The following FANCI variants were observed in gnomAD, a reference collection of about 807,000 sequenced individuals.
FANCI encodes the protein FA complementation group I.
FANCI carries 156 observed loss-of-function variants against 176.1 expected under a neutral mutation model. That is an observed-to-expected ratio of 0.89 (90% CI 0.78 to 1.01). The LOEUF (loss-of-function observed/expected upper bound fraction) is 1.01. FANCI is among the 50% of genes least tolerant of loss of function. FANCI has a pLI of 0.00. For missense variants in FANCI, 1,678 were observed against 1,534.1 expected (o/e 1.09, Z -1.57); for synonymous variants, 613 against 541.7 (o/e 1.13, Z -1.83).
intron 12 of FANCI, among the ~76,000 whole-genome samples, chr15:89,275,941 T>C (rs1567153454): frequency 6.6e-6 from 1 of 152,220 alleles, no homozygotes; most frequent in East Asian, 1.9e-4. Flanking sequence ...TAATGAACCT[T>C]TAAATAATGC....
chr15:89,314,725 A>G lies in FANCI; in HGVS notation c.3816+18A>G. Reference sequence around the variant, plus strand: ...AGTCCAAGGTAAACATTCTCTTATTATGTGCTACCATTCCCATTTACCTTC... The same window carrying G: ...AGTCCAAGGTAAACATTCTCTTATTGTGTGCTACCATTCCCATTTACCTTC... On this transcript the variant is annotated intron_variant, in intron 36 of 37. Coordinates refer to ENST00000310775, the MANE Select transcript of FANCI (RefSeq NM_001113378.2). 6.5e-7 allele frequency: 1 copy of G among 1,541,334 alleles called. No homozygotes were observed. Among genetic ancestry groups the G allele is most frequent in the Non-Finnish European group, 9.0e-7 (1 of 1,114,836 alleles).
intron 10 of FANCI, among the ~76,000 whole-genome samples, chr15:89,269,597 G>C (rs192123749): frequency 2.0e-5 from 3 of 152,000 alleles, no homozygotes; most frequent in Non-Finnish European, 4.4e-5. Context: ...AGAATACTTC[G>C]TAAGTGATGT....
At chr15:89,251,621 G>A (rs1260208723) in intron 2 of FANCI, among the ~76,000 whole-genome samples, 1 of 152,032 alleles carries the variant, frequency 6.6e-6, no homozygotes, top group African/African-American at 2.4e-5. Flanking sequence ...AATATTAGGG[G>A]ACAGATTGCA....
chr15:89,278,376 G>A (rs964620972), intron 13 of FANCI, among the ~76,000 whole-genome samples: 48 of 152,110 alleles, frequency 3.2e-4, no homozygotes, highest in African/African-American at 1.1e-3. Flanking sequence ...TCAGGAATAT[G>A]GATATTGTCA....
rs1285567734 is a variant in FANCI at position 89,285,165 on chromosome 15, A to G, written c.1768A>G (p.Ser590Gly). 2.5e-6 allele frequency: 4 copies of G among 1,614,084 alleles called. No individual in the cohort carries two copies. The African/African-American group carries it at 4.0e-5, about 16-fold the overall frequency. The part of the protein sequence containing the change: ...NETFCLEIMD[S>G]LRRCLSQQAD... ...AACTTTTTGCCTTGAGATCATGGATAGTTTGAGGAGATGCTTAAGCCAGCA... is the reference window on the plus strand; with the variant it reads ...AACTTTTTGCCTTGAGATCATGGATGGTTTGAGGAGATGCTTAAGCCAGCA... Residue 590 changes from serine (S) to glycine (G), a missense_variant, in exon 18 of 38, where the codon AGT becomes GGT. This residue lies in a region of FANCI where 1,204 missense variants were observed against 1,077.4 expected (regional missense o/e 1.12). Transcript: ENST00000310775.
rs546087457 is a variant in FANCI, at chr15:89,268,468, T to C, written c.825T>C (p.Ile275=). 6.2e-7 allele frequency: 1 copy of C among 1,614,208 alleles called. No individual in the cohort carries two copies. Among genetic ancestry groups the C allele is most frequent in the Non-Finnish European group, 8.5e-7 (1 of 1,180,032 alleles). ...RHVEGTIILH[I]VFAIKLDYEL... ...TGGAAGGCACCATTATTCTACACAT[T>C]GTGTTTGCCATCAAATTGGACTATG... is the stretch of plus-strand genomic sequence containing the variant. The change falls in exon 10 of 38, where the codon ATT becomes ATC. Residue 275 remains isoleucine (I), a synonymous_variant. Coordinates refer to ENST00000310775, the MANE Select transcript of FANCI (RefSeq NM_001113378.2).
chr15:89,301,981 C>T (rs908853543), intron 27 of FANCI, among the ~76,000 whole-genome samples: 3 of 152,112 alleles, frequency 2.0e-5, no homozygotes, highest in Admixed American at 2.0e-4. Flanking sequence ...AGTGTGCACA[C>T]GTAGATGTAG....
chr15:89,255,151 C>T (rs1184694381), intron 2 of FANCI, among the ~76,000 whole-genome samples: 1 of 152,162 alleles, frequency 6.6e-6, no homozygotes, highest in Admixed American at 6.5e-5. Flanking sequence ...CTCTGTTGAT[C>T]ATGATAGCCC....
At chr15:89,285,976 T>C (rs1015399683) in intron 18 of FANCI, among the ~76,000 whole-genome samples, 2 of 144,580 alleles carry the variant, frequency 1.4e-5, no homozygotes, top group African/African-American at 5.2e-5. Flanking sequence ...CAAACATTGT[T>C]CCAAACTTAG....
rs762350003 is a variant in FANCI, at chr15:89,260,694, C to T, written c.158-19C>T. 3 of 1,612,734 alleles carry T rather than the reference C, an allele frequency of 1.9e-6. No individual in the cohort carries two copies. The highest frequency in any genetic ancestry group is 1.3e-5 in the African/African-American group (1 of 74,956). ...ATGTTGTAAGACTTGTTTCTGAACC[C>T]CCTGTTTAAAACAATAAGGTTCCCC... On this transcript the variant is annotated intron_variant, in intron 3 of 37. Coordinates refer to ENST00000310775, the MANE Select transcript of FANCI (RefSeq NM_001113378.2).
intron 1 of FANCI, among the ~76,000 whole-genome samples, chr15:89,245,043 T>G (rs2051884797): frequency 6.6e-6 from 1 of 152,186 alleles, no homozygotes; most frequent in Non-Finnish European, 1.5e-5. Flanking sequence ...GGAGATAACA[T>G]TTGTTAATCT....
chr15:89,288,034 G>C (rs1230411002), intron 18 of FANCI, among the ~76,000 whole-genome samples: 2 of 152,192 alleles, frequency 1.3e-5, no homozygotes, highest in African/African-American at 4.8e-5. Context: ...TGGAAAAATG[G>C]TACTGAGAGA....
chr15:89,256,757 CTG>C (rs1267690955), intron 2 of FANCI, among the ~76,000 whole-genome samples: 3 of 152,170 alleles, frequency 2.0e-5, no homozygotes, highest in African/African-American at 7.2e-5. Flanking sequence ...GAATCATAAA[CTG>C]TGGGTAGATC....
chr15:89,274,391 G>T, intron 12 of FANCI, 87 bp downstream of exon 12: 1 of 1,474,676 alleles, frequency 6.8e-7, no homozygotes, highest in Non-Finnish European at 9.4e-7. Flanking sequence ...AGCCTGTGAG[G>T]GGAAACTGAT....
rs2054074636 is a variant in FANCI, at chr15:89,291,635, A to G, written c.1913A>G (p.Lys638Arg). The change falls in exon 20 of 38, where the codon AAA becomes AGA. Residue 638 changes from lysine (K) to arginine (R), a missense_variant. By Grantham distance (26) the Lys-to-Arg change is conservative. Coordinates refer to ENST00000310775, the MANE Select transcript of FANCI (RefSeq NM_001113378.2). ...CAGTTAAAACAGTTCTATGAGCCAAAACCTGATCTGCTGCCTCCTCTGAAA... is the reference window on the plus strand; with the variant it reads ...CAGTTAAAACAGTTCTATGAGCCAAGACCTGATCTGCTGCCTCCTCTGAAA... ...LSQLKQFYEP[K>R]PDLLPPLKLE... 1 of 1,613,846 alleles carries G rather than the reference A, an allele frequency of 6.2e-7. No individual in the cohort carries two copies.
At chr15:89,271,838 GT>G (rs901939865) in intron 10 of FANCI, among the ~76,000 whole-genome samples, 23 of 152,202 alleles carry the variant, frequency 1.5e-4, no homozygotes, top group African/African-American at 5.1e-4. Flanking sequence ...TATGAGTTTT[GT>G]TTAGCAGTCT....
intron 16 of FANCI, chr15:89,282,918 T>C (rs2053670327): frequency 7.2e-6 from 4 of 556,570 alleles, no homozygotes; most frequent in South Asian, 2.0e-5. Flanking sequence ...TAGAGTATCA[T>C]GAGTTAAGTA....
chr15:89,274,377 T>C, intron 12 of FANCI, 73 bp downstream of exon 12: 2 of 1,553,694 alleles, frequency 1.3e-6, no homozygotes, highest in Non-Finnish European at 1.8e-6. Flanking sequence ...GATATCATAC[T>C]TGCAGCCTGT....
chr15:89,261,918 A>C, intron 6 of FANCI, 40 bp downstream of exon 6: 1 of 1,591,878 alleles, frequency 6.3e-7, no homozygotes, highest in South Asian at 1.1e-5. Context: ...TAGGAATACA[A>C]GTGGCGGAAA....
Sources: allele counts gnomAD v4.1 joint callset (sites outside exome capture counted in the v4.1 genomes callset), GRCh38; gene constraint gnomAD v4.1.1; regional missense constraint gnomAD v4.1.1; transcripts MANE v1.5; gene names NCBI Gene and HGNC (gene_info 2026-07-23, HGNC 2026-07-21).